Variants in GALNT15 observed in about 807,000 individuals in gnomAD.
The protein encoded by GALNT15 is UDP-GalNAc transferase T15.
GALNT15 carries 67 observed loss-of-function variants against 66.8 expected under a neutral mutation model. That is an observed-to-expected ratio of 1.00 (90% CI 0.82 to 1.23). The LOEUF is 1.23. Ranked by LOEUF, GALNT15 falls within the 50% of genes most tolerant of loss-of-function variation. The pLI, the probability that GALNT15 is intolerant of heterozygous loss-of-function variation, is 0.00. For missense variants in GALNT15, 827 were observed against 804.3 expected (o/e 1.03, Z -0.34); for synonymous variants, 313 against 311.5 (o/e 1.00, Z -0.05).
At chr3:16,232,469 A>AATATATATATATATATATATAT (rs374444719), downstream of GALNT15, among the ~76,000 whole-genome samples, 1 of 38,756 alleles carries the variant, frequency 2.6e-5, no homozygotes, top group Non-Finnish European at 5.4e-5. Context: ...TAAATAAATA[A>AATATATATATATATATATATAT]ATATATATAT....
chr3:16,211,078 G>A lies in GALNT15; in HGVS notation c.1080-46G>A. 4 of 1,427,458 alleles carry A rather than the reference G, an allele frequency of 2.8e-6. No homozygotes were observed. The highest frequency in any genetic ancestry group is 4.0e-6 in the Non-Finnish European group (4 of 1,011,426). The allele number at this position is 1,427,458 out of a possible 1,614,324, so 88.4% of individuals were successfully genotyped here. ...CCCAGCCCCCAGCCTCGCCTGCTGT[G>A]CTCTGGGTTCTGAACTGCAGTGTCC... On this transcript the variant is annotated intron_variant, in intron 4 of 9. Coordinates refer to ENST00000339732, the MANE Select transcript of GALNT15 (RefSeq NM_054110.5). This position sits in a 1 kb window ranked among gnomAD's most constrained non-coding sequence, Gnocchi z 4.3.
chr3:16,215,925 A>AGAG (rs1194733480), intron 6 of GALNT15, among the ~76,000 whole-genome samples: 10 of 149,004 alleles, frequency 6.7e-5, no homozygotes, highest in East Asian at 1.9e-4. Flanking sequence ...AAAAAAAAAA[A>AGAG]GAAGAGGAAG....
chr3:16,187,702 C>A lies in GALNT15; in HGVS notation c.540-8058C>A, dbSNP rs1442181354. 6.6e-6 allele frequency among the ~76,000 whole-genome samples: 1 copy of A among 152,154 alleles called. No homozygotes were observed. The highest frequency in any genetic ancestry group is 1.5e-5 in the Non-Finnish European group (1 of 68,030). ...GTGGCTGACTCACATTATAAAGAAA[C>A]ACGATGAACAGATATGTTGTGACCA... On this transcript the variant is annotated intron_variant, in intron 1 of 9. Coordinates refer to ENST00000339732, the MANE Select transcript of GALNT15 (RefSeq NM_054110.5). This position sits in a 1 kb window ranked among gnomAD's most constrained non-coding sequence, Gnocchi z 5.1.
intron 3 of GALNT15, among the ~76,000 whole-genome samples, chr3:16,207,786 C>T (rs2124881675): frequency 6.6e-6 from 1 of 152,180 alleles, no homozygotes; most frequent in East Asian, 1.9e-4. Context: ...TTTATATGGA[C>T]ATGGAAGATT....
At chr3:16,202,431 G>C (rs1030805931) in intron 3 of GALNT15, among the ~76,000 whole-genome samples, 1 of 152,138 alleles carries the variant, frequency 6.6e-6, no homozygotes, top group Non-Finnish European at 1.5e-5. Flanking sequence ...TCAGGAGTTC[G>C]AGACCAGCCT....
intron 6 of GALNT15, among the ~76,000 whole-genome samples, chr3:16,217,218 A>C (rs1419018560): frequency 6.6e-6 from 1 of 152,248 alleles, no homozygotes; most frequent in African/African-American, 2.4e-5. Context: ...TTACTTTCAT[A>C]AAGTCTACAG....
At position 16,211,022 on chromosome 3, in the gene GALNT15, T is replaced by A. The variant is rs2063807689; in HGVS notation, c.1080-102T>A. ...TTTTACCTGAGCCTAAAGCCTGTTC[T>A]CTCAGCCACTGGAGCTCCCACCTGG... On this transcript the variant is annotated intron_variant, in intron 4 of 9. Transcript: ENST00000339732. This position sits in a 1 kb window ranked among gnomAD's most constrained non-coding sequence, Gnocchi z 4.3. 1.3e-6 allele frequency: 1 copy of A among 782,338 alleles called. No individual in the cohort carries two copies. The highest frequency in any genetic ancestry group is 2.2e-6 in the Non-Finnish European group (1 of 448,260). 48.5% of individuals were successfully genotyped at this position (782,338 alleles called of 1,614,324 possible).
At chr3:16,247,525 A>C in the GALNT15 span, among the ~76,000 whole-genome samples, 1 of 152,188 alleles carries the variant, frequency 6.6e-6, no homozygotes, top group South Asian at 2.1e-4. Context: ...GTCAGCCTGC[A>C]ACAAATATTA....
At chr3:16,232,001 C>T, downstream of GALNT15, 1 of 1,453,916 alleles carries the variant, frequency 6.9e-7, no homozygotes, top group Non-Finnish European at 9.0e-7. Context: ...GAGCTGCTAT[C>T]TTTAAAGTCA....
At position 16,224,066 on chromosome 3, in the gene GALNT15, G is replaced by A. The variant is rs142868093; in HGVS notation, c.1773+1308G>A. Among the ~76,000 whole-genome samples the A allele has an allele frequency of 0.011, 1,734 of 152,206 alleles. 20 individuals are homozygous for A. The highest frequency in any genetic ancestry group is 0.028 in the South Asian group (137 of 4,816). On this transcript the variant is annotated intron_variant, in intron 9 of 9. Coordinates refer to ENST00000339732, the MANE Select transcript of GALNT15 (RefSeq NM_054110.5). This position sits in a 1 kb window ranked among gnomAD's most constrained non-coding sequence, Gnocchi z 5.2. ...AAGTATTTTTCTAAGCAAGTCCTAT[G>A]AATAAGATATACTTTAGAAACAGCA...
At chr3:16,247,588 G>A in the GALNT15 span, among the ~76,000 whole-genome samples, 1 of 152,210 alleles carries the variant, frequency 6.6e-6, no homozygotes, top group Non-Finnish European at 1.5e-5. Context: ...AGAAGCACAG[G>A]CACGCCTGTG....
downstream of GALNT15, among the ~76,000 whole-genome samples, chr3:16,232,664 G>A (rs1436106285): frequency 6.6e-6 from 1 of 150,700 alleles, no homozygotes; most frequent in East Asian, 2.0e-4. Context: ...AGGCAAAGGT[G>A]GGACAGAGCA....
chr3:16,204,958 T>C lies in GALNT15; in HGVS notation c.912-3545T>C, dbSNP rs1171057818. 2.6e-5 allele frequency among the ~76,000 whole-genome samples: 4 copies of C among 152,124 alleles called. No individual in the cohort carries two copies. Among genetic ancestry groups the C allele is most frequent in the African/African-American group, 9.7e-5 (4 of 41,422 alleles). ...GGGAGCGAGCATGTGCGTGCGTGTG[T>C]GTGTGCGCGCGCATGTGCGCGTCAA... On this transcript the variant is annotated intron_variant, in intron 3 of 9. Transcript: ENST00000339732. This position sits in a 1 kb window ranked among gnomAD's most constrained non-coding sequence, Gnocchi z 4.5.
At position 16,227,526 on chromosome 3, in the gene GALNT15, A is replaced by G; in HGVS notation, c.*26A>G. On this transcript the variant is annotated 3_prime_UTR_variant, in exon 10 of 10. Transcript: ENST00000339732. This position sits in a 1 kb window ranked among gnomAD's most constrained non-coding sequence, Gnocchi z 4.5. ...ATGTCAATGTCAGAAGGAAAAGAGAATTTTGGCCATCAAAATCCAGCTCCA... is the reference window on the plus strand; with the variant it reads ...ATGTCAATGTCAGAAGGAAAAGAGAGTTTTGGCCATCAAAATCCAGCTCCA... The G allele has an allele frequency of 1.2e-6, 2 of 1,614,118 alleles. No individual in the cohort carries two copies. The highest frequency in any genetic ancestry group is 1.3e-5 in the African/African-American group (1 of 75,052).
At chr3:16,194,549 T>C (rs1418101035) in intron 1 of GALNT15, among the ~76,000 whole-genome samples, 1 of 152,252 alleles carries the variant, frequency 6.6e-6, no homozygotes, top group Non-Finnish European at 1.5e-5. Flanking sequence ...GTTGCAGCAC[T>C]ATTCATAGTA....
In GALNT15 at chr3:16,175,471, A is replaced by G; in HGVS notation, c.320A>G (p.Asn107Ser). The G allele has an allele frequency of 6.2e-7, 1 of 1,614,008 alleles. No individual in the cohort carries two copies. Among genetic ancestry groups the G allele is most frequent in the Non-Finnish European group, 8.5e-7 (1 of 1,179,922 alleles). Residue 107 changes from asparagine (N) to serine (S), a missense_variant, in exon 1 of 10, where the codon AAC becomes AGC. Physicochemically the swap from Asn to Ser is conservative, Grantham distance 46 (BLOSUM62 1). Transcript: ENST00000339732. The surrounding 1 kb of genome is among the most constrained non-coding windows in gnomAD (Gnocchi z 5.6). ...GTGGCCTTACCCCAGGCCAGAAGGAACCAGAGCCAGGGCAGGAGAGGTGGG... is the reference window on the plus strand; with the variant it reads ...GTGGCCTTACCCCAGGCCAGAAGGAGCCAGAGCCAGGGCAGGAGAGGTGGG... ...VAVALPQARR[N>S]QSQGRRGGSY...
the GALNT15 span, among the ~76,000 whole-genome samples, chr3:16,239,421 G>A: frequency 1.3e-5 from 2 of 152,120 alleles, no homozygotes; most frequent in Non-Finnish European, 2.9e-5. This position sits in a 1 kb window ranked among gnomAD's most constrained non-coding sequence, Gnocchi z 5.2. Flanking sequence ...AATGTCATGG[G>A]ATGAAAACTG....
In GALNT15 at chr3:16,195,643, T is replaced by C. The variant is rs1176527545; in HGVS notation, c.540-117T>C. 2.5e-6 allele frequency: 2 copies of C among 793,798 alleles called. No individual in the cohort carries two copies. The highest frequency in any genetic ancestry group is 2.3e-5 in the South Asian group (1 of 42,558). 49.2% of individuals were successfully genotyped at this position (793,798 alleles called of 1,614,324 possible). ...TATATGGGAATTTTAAGAGATCCCATAGGACAGCCATATAATGGGGGCAGC... is the reference window on the plus strand; with the variant it reads ...TATATGGGAATTTTAAGAGATCCCACAGGACAGCCATATAATGGGGGCAGC... On this transcript the variant is annotated intron_variant, in intron 1 of 9. Transcript: ENST00000339732. This position sits in a 1 kb window ranked among gnomAD's most constrained non-coding sequence, Gnocchi z 4.6.
chr3:16,235,531 G>A (rs1225199207), downstream of GALNT15, among the ~76,000 whole-genome samples: 6 of 152,280 alleles, frequency 3.9e-5, no homozygotes, highest in African/African-American at 1.4e-4. Context: ...TTGAGGAAGC[G>A]ATGGATTCAA....
Sources: allele counts gnomAD v4.1 joint callset (sites outside exome capture counted in the v4.1 genomes callset), GRCh38; gene constraint gnomAD v4.1.1; non-coding constraint Gnocchi (gnomAD v3.1); transcripts MANE v1.5; gene names NCBI Gene and HGNC (gene_info 2026-07-23, HGNC 2026-07-21).